USP6NL: variants seen among roughly 807,000 people sequenced by gnomAD.
USP6NL encodes the protein USP6 N-terminal like.
Under a neutral mutation model 61.9 loss-of-function variants are expected in USP6NL, and 26 were observed. The observed-to-expected ratio is 0.42, with a 90% confidence interval of 0.31 to 0.58. The LOEUF is 0.58. Ranked by LOEUF, USP6NL falls within the 20% of genes least tolerant of loss-of-function variation. USP6NL has a pLI of 0.16. For missense variants in USP6NL, 1,114 were observed against 1,034.3 expected, an observed-to-expected ratio of 1.08 and a Z score of -1.06; for synonymous variants, 432 against 390.1, an observed-to-expected ratio of 1.11 and a Z score of -1.27.
At chr10:11,582,843 C>T (rs987208775) in intron 2 of USP6NL, among the ~76,000 whole-genome samples, 13 of 151,160 alleles carry the variant, frequency 8.6e-5, no homozygotes, top group African/African-American at 3.2e-4. Context: ...TTTATCTTCA[C>T]AACAATGAGA....
At position 11,537,301 on chromosome 10, in the gene USP6NL, G is replaced by A. The variant is rs919860700; in HGVS notation, c.5-9734C>T. ...TAATACTTGTATTTTTTGTCGAGAC[G>A]GGATTTTGCCATGTTGCCCTGGCTG... On this transcript the variant is annotated intron_variant, in intron 2 of 14. Transcript: ENST00000609104. This position sits in a 1 kb window ranked among gnomAD's most constrained non-coding sequence, Gnocchi z 5.1. Among the ~76,000 whole-genome samples the A allele has an allele frequency of 9.9e-5, 15 of 152,178 alleles. No individual in the cohort carries two copies. In the East Asian group the frequency reaches 2.3e-3, roughly 24 times the overall value.
chr10:11,570,207 T>C (rs1290931673), intron 2 of USP6NL, among the ~76,000 whole-genome samples: 2 of 152,220 alleles, frequency 1.3e-5, no homozygotes, highest in South Asian at 2.1e-4. Flanking sequence ...TTCCATGAGC[T>C]TGTCTATTAT....
rs180776986 is a variant in USP6NL at position 11,548,724 on chromosome 10, T to C, written c.5-21157A>G. Among the ~76,000 whole-genome samples the C allele has an allele frequency of 4.9e-4, 75 of 152,318 alleles. No homozygotes were observed. The highest frequency in any genetic ancestry group is 9.7e-4 in the Non-Finnish European group (66 of 68,010). On this transcript the variant is annotated intron_variant, in intron 2 of 14. Transcript: ENST00000609104. This position sits in a 1 kb window ranked among gnomAD's most constrained non-coding sequence, Gnocchi z 4.3. The stretch of plus-strand genomic sequence containing the variant: ...AATTTAACTATGGTCTATCAATCAA[T>C]TATAAAATCTATATATGACCTATAT...
intron 2 of USP6NL, among the ~76,000 whole-genome samples, chr10:11,568,057 A>G (rs1360052845): frequency 2.6e-5 from 4 of 152,140 alleles, no homozygotes; most frequent in African/African-American, 9.7e-5. Flanking sequence ...GTCACGTGTG[A>G]AAATCTCTAA....
Position 11,490,580 on chromosome 10 carries a change from A to T in USP6NL, c.543+252T>A, listed in dbSNP as rs867541113. On this transcript the variant is annotated intron_variant, in intron 9 of 14. Transcript: ENST00000609104. This position sits in a 1 kb window ranked among gnomAD's most constrained non-coding sequence, Gnocchi z 4.5. ...ACAAAACATTACAAAGCAAAACAATATGGAGGGAGAGAGAAAAGGTGAGAC... is the reference window on the plus strand; with the variant it reads ...ACAAAACATTACAAAGCAAAACAATTTGGAGGGAGAGAGAAAAGGTGAGAC... Among the ~76,000 whole-genome samples the T allele has an allele frequency of 2.0e-5, 3 of 152,312 alleles. No homozygotes were observed. The highest frequency in any genetic ancestry group is 4.1e-4 in the South Asian group (2 of 4,830).
rs1466437683 is a variant in USP6NL, at chr10:11,511,286, T to C, written c.196-1611A>G. Among the ~76,000 whole-genome samples, 1 of 152,228 alleles carries C rather than the reference T, an allele frequency of 6.6e-6. No individual in the cohort carries two copies. Among genetic ancestry groups the C allele is most frequent in the Non-Finnish European group, 1.5e-5 (1 of 68,038 alleles). ...AAGGCTAAGTATATTTTCCTCATTA[T>C]ATTATTAGTGATAAACTGTTGCAGA... On this transcript the variant is annotated intron_variant, in intron 5 of 14. Coordinates refer to ENST00000609104, the MANE Select transcript of USP6NL (RefSeq NM_014688.5). The surrounding 1 kb of genome is among the most constrained non-coding windows in gnomAD (Gnocchi z 4.9).
rs896716708 is a variant in USP6NL at position 11,518,083 on chromosome 10, T to C, written c.195+452A>G. ...AAATACTGACCCACAGAAAACGATT[T>C]TGGTTGTTGTAAGAAATTTACTAAA... On this transcript the variant is annotated intron_variant, in intron 5 of 14. Transcript: ENST00000609104. The surrounding 1 kb of genome is among the most constrained non-coding windows in gnomAD (Gnocchi z 5.3). Among the ~76,000 whole-genome samples, 2 of 152,204 alleles carry C rather than the reference T, an allele frequency of 1.3e-5. No individual in the cohort carries two copies. Among genetic ancestry groups the C allele is most frequent in the African/African-American group, 4.8e-5 (2 of 41,438 alleles).
chr10:11,586,628 A>G (rs1837974547), intron 2 of USP6NL, among the ~76,000 whole-genome samples: 1 of 152,164 alleles, frequency 6.6e-6, no homozygotes, highest in East Asian at 1.9e-4. Context: ...GGCTTCTTTA[A>G]CATAGTGAGG....
In USP6NL at chr10:11,561,898, T is replaced by C. The variant is rs957480024; in HGVS notation, c.5-34331A>G. The stretch of plus-strand genomic sequence containing the variant: ...CCAGTCTTGAAACAATATTTCATTA[T>C]TGTTTATATATGCATTCTCAAACAA... On this transcript the variant is annotated intron_variant, in intron 2 of 14. Coordinates refer to ENST00000609104, the MANE Select transcript of USP6NL (RefSeq NM_014688.5). This position sits in a 1 kb window ranked among gnomAD's most constrained non-coding sequence, Gnocchi z 4.1. 9.9e-5 allele frequency among the ~76,000 whole-genome samples: 15 copies of C among 152,246 alleles called. No homozygotes were observed. The highest frequency in any genetic ancestry group is 1.9e-4 in the East Asian group (1 of 5,200).
At position 11,562,249 on chromosome 10, in the gene USP6NL, A is replaced by G. The variant is rs1836966971; in HGVS notation, c.5-34682T>C. ...TGCACGCCAGCCTGGCGGACAGTGC[A>G]AGACTCCATCTCAAAAAAAAAAAAA... is the stretch of plus-strand genomic sequence containing the variant. On this transcript the variant is annotated intron_variant, in intron 2 of 14. Transcript: ENST00000609104. This position sits in a 1 kb window ranked among gnomAD's most constrained non-coding sequence, Gnocchi z 4.8. 6.6e-6 allele frequency among the ~76,000 whole-genome samples: 1 copy of G among 151,328 alleles called. No homozygotes were observed. The highest frequency in any genetic ancestry group is 1.5e-5 in the Non-Finnish European group (1 of 67,750).
chr10:11,472,343 C>T (rs185172562), intron 14 of USP6NL, among the ~76,000 whole-genome samples: 12 of 152,322 alleles, frequency 7.9e-5, no homozygotes, highest in Admixed American at 7.8e-4. Context: ...CCCCAGTGGA[C>T]GCCACACTCA....
At chr10:11,555,415 T>TAAAAAAAAAAAAAAA (rs558901276) in intron 2 of USP6NL, among the ~76,000 whole-genome samples, 1 of 26,868 alleles carries the variant, frequency 3.7e-5, no homozygotes, top group African/African-American at 1.5e-4. Flanking sequence ...AACTCGGTCT[T>TAAAAAAAAAAAAAAA]AAAAAAAAAA....
rs568031334 is a variant in USP6NL, at chr10:11,589,284, A to G, written c.4+8347T>C. ...AAATTTCTGTTATATTAGTTAAAAC[A>G]ACAAATTTAAGCAGGTTTGAAAATT... On this transcript the variant is annotated intron_variant, in intron 2 of 14. Coordinates refer to ENST00000609104, the MANE Select transcript of USP6NL (RefSeq NM_014688.5). This position sits in a 1 kb window ranked among gnomAD's most constrained non-coding sequence, Gnocchi z 4.7. 6.6e-6 allele frequency among the ~76,000 whole-genome samples: 1 copy of G among 152,366 alleles called. No individual in the cohort carries two copies. The highest frequency in any genetic ancestry group is 1.9e-4 in the East Asian group (1 of 5,194).
At chr10:11,534,080 T>C (rs1029367815) in intron 2 of USP6NL, among the ~76,000 whole-genome samples, 1 of 151,820 alleles carries the variant, frequency 6.6e-6, no homozygotes, top group Non-Finnish European at 1.5e-5. Context: ...TCTGAACAGA[T>C]TCCTCATCCC....
intron 2 of USP6NL, among the ~76,000 whole-genome samples, chr10:11,571,086 TC>T (rs1250999111): frequency 3.2e-4 from 40 of 125,710 alleles, no homozygotes; most frequent in African/African-American, 1.3e-3. Context: ...CCAAAATAAT[TC>T]TTTTTTTTTT....
intron 14 of USP6NL, among the ~76,000 whole-genome samples, chr10:11,480,673 C>G (rs1053513515): frequency 2.0e-5 from 3 of 152,206 alleles, no homozygotes; most frequent in Admixed American, 1.3e-4. Flanking sequence ...AAGCAAACAT[C>G]TTGGTTTTTA....
In USP6NL at chr10:11,602,998, T is replaced by C. The variant is rs182621830; in HGVS notation, c.-83-5281A>G. 7.7e-4 allele frequency among the ~76,000 whole-genome samples: 118 copies of C among 152,358 alleles called. No homozygotes were observed. The highest frequency in any genetic ancestry group is 2.8e-3 in the African/African-American group (117 of 41,582). On this transcript the variant is annotated intron_variant, in intron 1 of 14. Transcript: ENST00000609104. This position sits in a 1 kb window ranked among gnomAD's most constrained non-coding sequence, Gnocchi z 4.8. ...AACGTCACATTTCTACAGCTTTAAG[T>C]ATTTTCTCAGCGCAAAAGTAAAGCA... is the stretch of plus-strand genomic sequence containing the variant.
rs1832664048 is a variant in USP6NL at position 11,470,047 on chromosome 10, TC to T, written c.1079-6199del. 1.3e-5 allele frequency among the ~76,000 whole-genome samples: 2 copies of T among 152,172 alleles called. No individual in the cohort carries two copies. Among genetic ancestry groups the T allele is most frequent in the Non-Finnish European group, 2.9e-5 (2 of 68,038 alleles). Reference sequence around the variant, plus strand: ...ACAGCTTACGTTTCCAGGGAGGCCCTCAGGCCCCCGGGGCAGCGCTGTGGAG... The same window carrying T: ...ACAGCTTACGTTTCCAGGGAGGCCCTAGGCCCCCGGGGCAGCGCTGTGGAG... On this transcript the variant is annotated intron_variant, in intron 14 of 14. Coordinates refer to ENST00000609104, the MANE Select transcript of USP6NL (RefSeq NM_014688.5). The surrounding 1 kb of genome is among the most constrained non-coding windows in gnomAD (Gnocchi z 5.4).
chr10:11,533,273 A>T (rs1344388100), intron 2 of USP6NL, among the ~76,000 whole-genome samples: 2 of 152,242 alleles, frequency 1.3e-5, no homozygotes, highest in Admixed American at 6.5e-5. Flanking sequence ...GCAAAAAATT[A>T]TCATGAACTT....
Sources: gnomAD v4.1 joint callset for allele counts (sites outside exome capture counted in the v4.1 genomes callset) on GRCh38, gnomAD v4.1.1 for gene constraint, Gnocchi (gnomAD v3.1) non-coding constraint, MANE v1.5 for transcripts, NCBI Gene and HGNC (gene_info 2026-07-23, HGNC 2026-07-21) for gene names.